Variants in AFF2 observed in about 807,000 individuals in gnomAD.
AFF2 encodes AF4/FMR2 family member 2.
Under a neutral mutation model 76.9 loss-of-function variants are expected in AFF2, and 14 were observed. That is an observed-to-expected ratio of 0.18 (90% CI 0.12 to 0.28). The LOEUF is 0.28. AFF2 is among the 10% of genes least tolerant of loss of function. The pLI is 1.00. For synonymous variants in AFF2, 398 were observed against 366.7 expected (o/e 1.09, Z -0.98); for missense variants, 868 against 1,001.1 (o/e 0.87, Z 1.79).
intron 1 of AFF2, among the ~76,000 whole-genome samples, chrX:148,618,596 A>G (rs2053836647): frequency 9.0e-6 from 1 of 111,174 alleles, no homozygotes; most frequent in South Asian, 3.7e-4. Flanking sequence ...TAGCCTTGAG[A>G]TTGAATGGAT....
intron 1 of AFF2, among the ~76,000 whole-genome samples, chrX:148,540,505 G>T (rs1239359249): frequency 1.8e-5 from 2 of 108,503 alleles, no homozygotes; most frequent in Non-Finnish European, 3.8e-5. Flanking sequence ...AGCCAGTATA[G>T]TCGCAGATGC....
intron 1 of AFF2, among the ~76,000 whole-genome samples, chrX:148,552,106 A>T (rs1238255928): frequency 8.9e-6 from 1 of 112,690 alleles, no homozygotes; most frequent in East Asian, 2.8e-4. Context: ...TCGGTCTCTC[A>T]TGGACCCCAC....
intron 3 of AFF2, among the ~76,000 whole-genome samples, chrX:148,744,620 G>A (rs782153490): frequency 9.9e-5 from 11 of 111,206 alleles, no homozygotes; most frequent in African/African-American, 3.6e-4. Flanking sequence ...CTTTCTCCTG[G>A]TTCATGCCAC....
At chrX:148,912,165 A>T (rs955022232) in intron 9 of AFF2, among the ~76,000 whole-genome samples, 2 of 112,502 alleles carry the variant, frequency 1.8e-5, no homozygotes, top group African/African-American at 6.4e-5. Flanking sequence ...ATTATTTTTT[A>T]AAATTTTACT....
chrX:148,701,011 AATGTGT>A (rs1434962460), intron 3 of AFF2, among the ~76,000 whole-genome samples: 163 of 61,157 alleles, frequency 2.7e-3, no homozygotes, highest in African/African-American at 8.1e-3. Context: ...AGAGAGAGAG[AATGTGT>A]GTGTGTGTGT....
At chrX:148,890,925 T>C (rs782495846) in intron 8 of AFF2, among the ~76,000 whole-genome samples, 1 of 112,422 alleles carries the variant, frequency 8.9e-6, no homozygotes, top group South Asian at 3.7e-4. Flanking sequence ...CATAGTGCTA[T>C]GTACTTAGTG....
intron 1 of AFF2, among the ~76,000 whole-genome samples, chrX:148,563,847 A>G (rs2053140597): frequency 9.0e-6 from 1 of 111,568 alleles, no homozygotes; most frequent in African/African-American, 3.3e-5. Context: ...ATAAGACACC[A>G]TATCTTATTT....
At chrX:148,672,559 G>T (rs782782770) in intron 3 of AFF2, among the ~76,000 whole-genome samples, 1 of 111,853 alleles carries the variant, frequency 8.9e-6, no homozygotes, top group African/African-American at 3.2e-5. Context: ...CTACTGGCAC[G>T]TAAAGGGCAA....
intron 3 of AFF2, among the ~76,000 whole-genome samples, chrX:148,771,883 G>A (rs978280655): frequency 1.3e-4 from 15 of 111,701 alleles, no homozygotes; most frequent in Non-Finnish European, 1.7e-4. Context: ...GTTCTGTGAC[G>A]TGTATATATG....
intron 3 of AFF2, among the ~76,000 whole-genome samples, chrX:148,766,716 C>T (rs1212712479): frequency 9.0e-6 from 1 of 110,919 alleles, no homozygotes; most frequent in Non-Finnish European, 1.9e-5. Flanking sequence ...TTAATTAGAT[C>T]CCATTTGAAC....
chrX:148,663,577 A>T (rs1233838154), intron 3 of AFF2, among the ~76,000 whole-genome samples: 1 of 112,489 alleles, frequency 8.9e-6, no homozygotes, highest in Non-Finnish European at 1.9e-5. Context: ...GGGGTCATGC[A>T]TGGTGCTGCC....
At chrX:148,855,846 C>T (rs1460160630) in intron 7 of AFF2, among the ~76,000 whole-genome samples, 7 of 111,893 alleles carry the variant, frequency 6.3e-5, no homozygotes, top group African/African-American at 1.3e-4. Context: ...CTACATGATA[C>T]GATTAAATGA....
At chrX:148,799,267 A>G (rs1272003911) in intron 3 of AFF2, among the ~76,000 whole-genome samples, 2 of 111,866 alleles carry the variant, frequency 1.8e-5, no homozygotes, top group Non-Finnish European at 3.8e-5. Flanking sequence ...AAAGCAGGAA[A>G]GATAAGGGCC....
intron 1 of AFF2, among the ~76,000 whole-genome samples, chrX:148,528,717 A>G (rs2052693040): frequency 8.9e-6 from 1 of 112,058 alleles, no homozygotes; most frequent in African/African-American, 3.2e-5. Flanking sequence ...CTTTAAAATA[A>G]TAAATATTTC....
intron 3 of AFF2, among the ~76,000 whole-genome samples, chrX:148,749,381 C>G (rs782439224): frequency 1.8e-4 from 20 of 110,606 alleles, no homozygotes; most frequent in African/African-American, 6.3e-4. Context: ...AACAGATCCT[C>G]CCACTTCAGC....
chrX:148,601,965 C>T (rs1485654516), intron 1 of AFF2, among the ~76,000 whole-genome samples: 1 of 111,553 alleles, frequency 9.0e-6, no homozygotes, highest in Non-Finnish European at 1.9e-5. Flanking sequence ...CTTGAGGATA[C>T]AATAAATAAC....
chrX:148,627,764 G>C (rs2053941349), intron 1 of AFF2, among the ~76,000 whole-genome samples: 1 of 109,503 alleles, frequency 9.1e-6, no homozygotes, highest in Non-Finnish European at 1.9e-5. Flanking sequence ...ATTGATTAAA[G>C]AAATGAGCAA....
At chrX:148,889,028 C>G (rs1557279426) in intron 8 of AFF2, among the ~76,000 whole-genome samples, 1 of 111,840 alleles carries the variant, frequency 8.9e-6, no homozygotes, top group Non-Finnish European at 1.9e-5. Context: ...CAAATCATCT[C>G]ATCCATAATC....
At position 148,575,822 on chromosome X, in the gene AFF2, TAATAA is replaced by T. The variant is rs781842409; in HGVS notation, c.47+74683_47+74687del. Among the ~76,000 whole-genome samples, 467 of 108,959 alleles carry T rather than the reference TAATAA, an allele frequency of 4.3e-3. 4 individuals are homozygous for T. Among genetic ancestry groups the T allele is most frequent in the African/African-American group, 0.015 (442 of 30,321 alleles). 94.6% of individuals were successfully genotyped at this position (108,959 alleles called of 115,157 possible). On this transcript the variant is annotated intron_variant, in intron 1 of 20. Transcript: ENST00000370460. ...GTGTAAGTGCAAATAATAAATTATA[TAATAA>T]AATAGAATAGAATATATAATTATCT...
Sources: gnomAD v4.1 joint callset for allele counts (sites outside exome capture counted in the v4.1 genomes callset) on GRCh38, gnomAD v4.1.1 for gene constraint, MANE v1.5 for transcripts, NCBI Gene and HGNC (gene_info 2026-07-23, HGNC 2026-07-21) for gene names.